Variants in WDPCP observed in about 807,000 individuals in gnomAD.
WDPCP encodes the protein WD repeat-containing and planar cell polarity effector protein fritz homolog.
A neutral mutation model predicts 93.1 loss-of-function variants in WDPCP; 71 were observed. The observed-to-expected ratio is 0.76, with a 90% confidence interval of 0.63 to 0.93. The LOEUF (loss-of-function observed/expected upper bound fraction) is 0.93, where lower values mean the gene tolerates loss of function less well. Ranked by LOEUF, WDPCP falls within the 40% of genes least tolerant of loss-of-function variation. The pLI is 0.00. For missense variants in WDPCP, 844 were observed against 887.4 expected (o/e 0.95, Z 0.62); for synonymous variants, 315 against 315.0 (o/e 1.00, Z 0.00).
intron 9 of WDPCP, among the ~76,000 whole-genome samples, chr2:63,405,855 C>T (rs73937810): frequency 6.4e-4 from 97 of 152,114 alleles, no homozygotes; most frequent in African/African-American, 2.2e-3. Context: ...TATATCTACA[C>T]GTTAAAATTT....
At chr2:63,742,900 G>C (rs887958615) in intron 2 of WDPCP, among the ~76,000 whole-genome samples, 1 of 151,752 alleles carries the variant, frequency 6.6e-6, no homozygotes, top group Non-Finnish European at 1.5e-5. Flanking sequence ...AATTGAAAAT[G>C]AACTGAAAAT....
intron 17 of WDPCP, among the ~76,000 whole-genome samples, chr2:63,125,339 G>C (rs1035208568): frequency 6.6e-6 from 1 of 152,172 alleles, no homozygotes; most frequent in African/African-American, 2.4e-5. Context: ...CTTTCCACAG[G>C]AATGCCTTTA....
At chr2:63,384,741 TAA>T (rs986177987) in intron 10 of WDPCP, among the ~76,000 whole-genome samples, 1 of 143,712 alleles carries the variant, frequency 7.0e-6, no homozygotes. Context: ...TAGTAATACG[TAA>T]AAAAAAAAAA....
At chr2:63,655,048 A>G (rs920536583) in intron 2 of WDPCP, among the ~76,000 whole-genome samples, 1 of 152,170 alleles carries the variant, frequency 6.6e-6, no homozygotes, top group African/African-American at 2.4e-5. Context: ...TCACTCACAG[A>G]CTTTCACCAT....
intron 17 of WDPCP, among the ~76,000 whole-genome samples, chr2:63,131,124 T>TA (rs948548716): frequency 2.0e-5 from 3 of 152,204 alleles, no homozygotes. Flanking sequence ...TTAGAGTTTT[T>TA]AAAAAAATCC....
intron 13 of WDPCP, among the ~76,000 whole-genome samples, chr2:63,294,498 A>G (rs1438175916): frequency 7.2e-6 from 1 of 138,468 alleles, no homozygotes; most frequent in Non-Finnish European, 1.5e-5. Context: ...TGATAGAACA[A>G]GACTGTTTCG....
intron 12 of WDPCP, among the ~76,000 whole-genome samples, chr2:63,329,971 T>A (rs886323288): frequency 6.6e-6 from 1 of 152,206 alleles, no homozygotes; most frequent in South Asian, 2.1e-4. Context: ...ATGTATCTCA[T>A]TTCTTTATCC....
intron 13 of WDPCP, among the ~76,000 whole-genome samples, chr2:63,286,248 A>T (rs1234753737): frequency 6.6e-6 from 1 of 152,158 alleles, no homozygotes; most frequent in Non-Finnish European, 1.5e-5. Context: ...ATCCCCTGTG[A>T]CCTGCACATA....
intron 3 of WDPCP, among the ~76,000 whole-genome samples, chr2:63,602,209 A>C (rs906312004): frequency 6.6e-6 from 1 of 152,264 alleles, no homozygotes; most frequent in Admixed American, 6.5e-5. Flanking sequence ...CAACTAGTTT[A>C]AGAGTGGGAG....
intron 17 of WDPCP, among the ~76,000 whole-genome samples, chr2:63,139,787 C>G (rs1321381650): frequency 2.0e-5 from 3 of 152,244 alleles, no homozygotes; most frequent in East Asian, 3.9e-4. Flanking sequence ...CTGACTGTTT[C>G]TTTTGCTGTG....
chr2:63,603,610 C>G (rs1709470335), intron 3 of WDPCP, among the ~76,000 whole-genome samples: 1 of 148,530 alleles, frequency 6.7e-6, no homozygotes, highest in Non-Finnish European at 1.5e-5. Flanking sequence ...ACTTATCAGA[C>G]AAATAACAAG....
chr2:63,785,480 ATATACATTTACT>A (rs1670454071), intron 2 of WDPCP, among the ~76,000 whole-genome samples: 1 of 152,120 alleles, frequency 6.6e-6, no homozygotes, highest in Non-Finnish European at 1.5e-5. Flanking sequence ...ATATTATATT[ATATACATTTACT>A]TTTCTGCTTT....
intron 1 of WDPCP, among the ~76,000 whole-genome samples, chr2:63,548,753 C>G (rs1705343703): frequency 1.3e-5 from 2 of 151,828 alleles, no homozygotes; most frequent in South Asian, 4.2e-4. Context: ...CCTCAGCATC[C>G]TGAGTAGCTA....
At chr2:63,750,326 TAA>T (rs1669861769) in intron 2 of WDPCP, among the ~76,000 whole-genome samples, 1 of 152,072 alleles carries the variant, frequency 6.6e-6, no homozygotes, top group Non-Finnish European at 1.5e-5. Flanking sequence ...CCTATGAAAT[TAA>T]AAACTCTAAT....
intron 1 of WDPCP, among the ~76,000 whole-genome samples, chr2:63,524,696 A>G (rs1703191372): frequency 1.3e-5 from 2 of 152,252 alleles, no homozygotes; most frequent in Admixed American, 1.3e-4. Context: ...GGACTTCGCA[A>G]AGATTTCATG....
intron 2 of WDPCP, among the ~76,000 whole-genome samples, chr2:63,769,971 A>C (rs1009092995): frequency 6.6e-6 from 1 of 151,936 alleles, no homozygotes; most frequent in Non-Finnish European, 1.5e-5. Flanking sequence ...GAGAGCCTTA[A>C]GCAGGTAGAG....
intron 3 of WDPCP, among the ~76,000 whole-genome samples, chr2:63,644,896 T>C (rs1227166218): frequency 6.6e-6 from 1 of 152,178 alleles, no homozygotes; most frequent in East Asian, 1.9e-4. Flanking sequence ...ATCTCCTCTC[T>C]TTTTTTCTTA....
At chr2:63,622,919 C>T (rs1020810307) in intron 3 of WDPCP, 28 of 1,085,216 alleles carry the variant, frequency 2.6e-5, no homozygotes, top group African/African-American at 2.0e-4. Flanking sequence ...GGCCGGGGCT[C>T]GGCGCACACC....
At chr2:63,314,782 G>A (rs945793903) in intron 12 of WDPCP, among the ~76,000 whole-genome samples, 3 of 152,042 alleles carry the variant, frequency 2.0e-5, no homozygotes, top group African/African-American at 7.2e-5. Context: ...ACACCTCCGG[G>A]ATCCATCTCT....
Sources: allele counts gnomAD v4.1 joint callset (sites outside exome capture counted in the v4.1 genomes callset), GRCh38; gene constraint gnomAD v4.1.1; transcripts MANE v1.5; gene names NCBI Gene and HGNC (gene_info 2026-07-23, HGNC 2026-07-21).